CDH18: variants seen among roughly 807,000 people sequenced by gnomAD.
CDH18 encodes the protein cadherin 18, also known as cadherin-18.
CDH18 carries 31 observed loss-of-function variants against 67.9 expected under a neutral mutation model. The observed-to-expected ratio is 0.46, with a 90% CI of 0.34 to 0.62. The LOEUF (loss-of-function observed/expected upper bound fraction) is 0.62, where lower values mean the gene tolerates loss of function less well. Ranked by LOEUF, CDH18 falls within the 20% of genes least tolerant of loss-of-function variation. CDH18 has a pLI of 0.01. For missense variants in CDH18, 890 were observed against 975.5 expected (o/e 0.91, Z 1.17); for synonymous variants, 362 against 347.2 (o/e 1.04, Z -0.48).
At chr5:19,576,061 C>A (rs963715061) in intron 7 of CDH18, among the ~76,000 whole-genome samples, 3 of 152,004 alleles carry the variant, frequency 2.0e-5, no homozygotes, top group African/African-American at 7.3e-5. Flanking sequence ...GAGCTACAGA[C>A]TCAGAGAGGA....
chr5:20,188,848 C>CAA (rs11390844), intron 2 of CDH18, among the ~76,000 whole-genome samples: 4,939 of 125,108 alleles, frequency 0.039, 281 homozygotes, highest in African/African-American at 0.1. Flanking sequence ...ATTTTCTAGG[C>CAA]AAAAAAAAAA....
chr5:19,917,350 CT>C (rs1223730500), intron 2 of CDH18, among the ~76,000 whole-genome samples: 1 of 149,900 alleles, frequency 6.7e-6, no homozygotes, highest in African/African-American at 2.5e-5. Context: ...CCCCCGCCCC[CT>C]TTTTTTTCTT....
chr5:20,322,466 G>T (rs565816951), intron 1 of CDH18, among the ~76,000 whole-genome samples: 1 of 151,794 alleles, frequency 6.6e-6, no homozygotes, highest in African/African-American at 2.4e-5. Flanking sequence ...CTGCATCTTA[G>T]TAACTCTATG....
At chr5:19,580,577 T>C (rs1743083061) in intron 7 of CDH18, among the ~76,000 whole-genome samples, 1 of 151,848 alleles carries the variant, frequency 6.6e-6, no homozygotes. Flanking sequence ...GATAAAAAAT[T>C]TAATATTATT....
At chr5:20,034,666 T>C (rs906346654) in intron 2 of CDH18, among the ~76,000 whole-genome samples, 1 of 152,052 alleles carries the variant, frequency 6.6e-6, no homozygotes, top group Non-Finnish European at 1.5e-5. Flanking sequence ...AACTGGACCA[T>C]AAACTATTTG....
At chr5:19,549,196 C>G (rs1736890821) in intron 8 of CDH18, among the ~76,000 whole-genome samples, 1 of 152,128 alleles carries the variant, frequency 6.6e-6, no homozygotes, top group Non-Finnish European at 1.5e-5. Flanking sequence ...GTGGATCCCT[C>G]ATGAATGGTT....
chr5:20,360,792 A>G (rs981747656), intron 1 of CDH18, among the ~76,000 whole-genome samples: 3 of 152,146 alleles, frequency 2.0e-5, no homozygotes, highest in African/African-American at 7.2e-5. Context: ...TACATTTTAC[A>G]TAGTTAAAGC....
chr5:19,993,636 A>G (rs1252043565), intron 2 of CDH18, among the ~76,000 whole-genome samples: 1 of 152,054 alleles, frequency 6.6e-6, no homozygotes, highest in Non-Finnish European at 1.5e-5. Context: ...ATATACACAT[A>G]TATATAGAGA....
intron 1 of CDH18, among the ~76,000 whole-genome samples, chr5:20,295,863 CT>C (rs200797343): frequency 4.7e-5 from 5 of 107,472 alleles, no homozygotes; most frequent in African/African-American, 1.4e-4. Context: ...TATTTTCTTT[CT>C]TTTTTTTCTT....
chr5:20,352,660 T>G (rs905346241), intron 1 of CDH18, among the ~76,000 whole-genome samples: 4 of 148,150 alleles, frequency 2.7e-5, no homozygotes, highest in Admixed American at 6.7e-5. Context: ...CCAGGCCTGG[T>G]GGCTGGCGCC....
In CDH18 at chr5:19,723,114, C is replaced by T. The variant is rs1344623764; in HGVS notation, c.524-1648G>A. The stretch of plus-strand genomic sequence containing the variant: ...GGTAACCCTGTCTCTACTAAAAATA[C>T]AAAAATTAGCTGGGCATGGCAGCAC... On this transcript the variant is annotated intron_variant, in intron 4 of 12. Coordinates refer to ENST00000382275, the MANE Select transcript of CDH18 (RefSeq NM_004934.5). Among the ~76,000 whole-genome samples, 5 of 151,698 alleles carry T rather than the reference C, an allele frequency of 3.3e-5. No individual in the cohort carries two copies. The South Asian group carries it at 1.0e-3, about 32-fold the overall frequency.
intron 1 of CDH18, among the ~76,000 whole-genome samples, chr5:20,261,546 C>A (rs1744655164): frequency 6.6e-6 from 1 of 152,006 alleles, no homozygotes; most frequent in Admixed American, 6.5e-5. Flanking sequence ...CAGTACCATC[C>A]TGGCTAAAAC....
rs149947652 is a variant in CDH18 at position 20,363,195 on chromosome 5, C to T, written c.-579-107690G>A. Among the ~76,000 whole-genome samples the T allele has an allele frequency of 9.2e-5, 14 of 152,168 alleles. No homozygotes were observed. In the East Asian group the frequency reaches 2.7e-3, roughly 30 times the overall value. ...TTATGTTACTGTCCTGTTTAAAAGC[C>T]AGCATGTGGCCAGGTGCAGTGGCTC... On this transcript the variant is annotated intron_variant, in intron 1 of 14. Coordinates refer to the CDH18 transcript ENST00000507958.
intron 1 of CDH18, among the ~76,000 whole-genome samples, chr5:20,280,221 T>G (rs564699641): frequency 6.6e-6 from 1 of 152,174 alleles, no homozygotes; most frequent in African/African-American, 2.4e-5. Context: ...TTCTTTTTTT[T>G]ATTATACTTT....
chr5:20,107,381 T>C (rs1040454397), intron 2 of CDH18, among the ~76,000 whole-genome samples: 2 of 152,182 alleles, frequency 1.3e-5, no homozygotes, highest in Non-Finnish European at 2.9e-5. Context: ...GCCTCTCTCT[T>C]ATAACTTTCC....
At chr5:20,319,227 C>T (rs1322386101) in intron 1 of CDH18, among the ~76,000 whole-genome samples, 1 of 152,224 alleles carries the variant, frequency 6.6e-6, no homozygotes, top group Non-Finnish European at 1.5e-5. Flanking sequence ...TGCAGATATG[C>T]TAACCTGGCA....
intron 11 of CDH18, among the ~76,000 whole-genome samples, chr5:19,492,262 G>A (rs1741595142): frequency 6.6e-6 from 1 of 152,050 alleles, no homozygotes; most frequent in South Asian, 2.1e-4. Context: ...ATCAAATAAA[G>A]CACATTCCCT....
intron 2 of CDH18, among the ~76,000 whole-genome samples, chr5:19,973,551 G>A (rs1039171139): frequency 6.6e-6 from 1 of 152,128 alleles, no homozygotes; most frequent in Non-Finnish European, 1.5e-5. Flanking sequence ...GAGAAAAAAG[G>A]AAAGGAATAA....
intron 2 of CDH18, among the ~76,000 whole-genome samples, chr5:20,084,839 T>A (rs145188901): frequency 6.6e-6 from 1 of 152,138 alleles, no homozygotes; most frequent in East Asian, 1.9e-4. Flanking sequence ...GGATACCAAG[T>A]CCCTAGGCTG....
Sources: gnomAD v4.1 joint callset for allele counts (sites outside exome capture counted in the v4.1 genomes callset) on GRCh38, gnomAD v4.1.1 for gene constraint, MANE v1.5 for transcripts, NCBI Gene and HGNC (gene_info 2026-07-23, HGNC 2026-07-21) for gene names.